The following OSBPL11 variants were observed in gnomAD, a reference collection of about 807,000 sequenced individuals.
OSBPL11 encodes the protein oxysterol-binding protein-related protein 11.
In OSBPL11, 33 loss-of-function variants were observed where a neutral mutation model predicts 84.4. The observed-to-expected ratio is 0.39, with a 90% confidence interval of 0.30 to 0.52. The LOEUF (loss-of-function observed/expected upper bound fraction) is 0.52, where lower values mean the gene tolerates loss of function less well. OSBPL11 is among the 20% of genes least tolerant of loss of function. OSBPL11 has a pLI of 0.72. For missense variants in OSBPL11, 736 were observed against 901.1 expected, an observed-to-expected ratio of 0.82 and a Z score of 2.35; for synonymous variants, 276 against 310.2, an observed-to-expected ratio of 0.89 and a Z score of 1.16.
intron 5 of OSBPL11, among the ~76,000 whole-genome samples, chr3:125,571,115 T>G (rs888402316): frequency 3.3e-5 from 5 of 152,172 alleles, no homozygotes; most frequent in Admixed American, 2.6e-4. Context: ...ATTGAGGAAC[T>G]TGTTGGGAAC....
intron 10 of OSBPL11, among the ~76,000 whole-genome samples, chr3:125,544,257 T>C (rs1935777877): frequency 6.6e-6 from 1 of 152,036 alleles, no homozygotes; most frequent in African/African-American, 2.4e-5. Flanking sequence ...GGTTTCACCA[T>C]GTTGACCAGG....
Position 125,563,982 on chromosome 3 carries a change from A to C in OSBPL11, c.869-139T>G, listed in dbSNP as rs188342764. The C allele has an allele frequency of 6.0e-5, 50 of 831,384 alleles. No homozygotes were observed. In the African/African-American group the frequency reaches 8.3e-4, roughly 14 times the overall value. The allele number at this position is 831,384 out of a possible 1,614,324, so 51.5% of individuals were successfully genotyped here. ...TGTTAAGAGACCCTGCAAGACAGCC[A>C]CTTATATCTCATTAGCATGAGCACC... On this transcript the variant is annotated intron_variant, in intron 6 of 12. Transcript: ENST00000296220.
chr3:125,548,228 G>A (rs1323003374), intron 9 of OSBPL11, among the ~76,000 whole-genome samples: 3 of 151,946 alleles, frequency 2.0e-5, no homozygotes, highest in Non-Finnish European at 4.4e-5. Flanking sequence ...TTAAGACAAT[G>A]GTATGCTAAA....
At chr3:125,541,289 C>CTTA (rs1265963222) in intron 10 of OSBPL11, among the ~76,000 whole-genome samples, 1 of 152,300 alleles carries the variant, frequency 6.6e-6, no homozygotes, top group Admixed American at 6.5e-5. Context: ...CCAGATAGCA[C>CTTA]TTAGCAGAAT....
chr3:125,565,851 C>T (rs1936145744), intron 6 of OSBPL11, among the ~76,000 whole-genome samples: 1 of 152,082 alleles, frequency 6.6e-6, no homozygotes, highest in South Asian at 2.1e-4. Context: ...TTTCCTCTAC[C>T]TCTCACTCCT....
At chr3:125,563,236 A>C (rs1196412625) in intron 7 of OSBPL11, among the ~76,000 whole-genome samples, 1 of 152,086 alleles carries the variant, frequency 6.6e-6, no homozygotes, top group African/African-American at 2.4e-5. Context: ...AAAAATATAA[A>C]CCCTAAGATT....
At chr3:125,548,682 T>C (rs1370246376) in intron 9 of OSBPL11, among the ~76,000 whole-genome samples, 6 of 152,066 alleles carry the variant, frequency 3.9e-5, no homozygotes. Context: ...AGACCACATA[T>C]TGAAGTGGAT....
chr3:125,546,125 A>G (rs1935808891), intron 10 of OSBPL11, among the ~76,000 whole-genome samples: 1 of 149,770 alleles, frequency 6.7e-6, no homozygotes, highest in Non-Finnish European at 1.5e-5. Flanking sequence ...TGTCTCTTAA[A>G]AAAAAAAAAA....
intron 8 of OSBPL11, among the ~76,000 whole-genome samples, chr3:125,557,416 C>T (rs777777317): frequency 6.6e-6 from 1 of 151,966 alleles, no homozygotes; most frequent in Non-Finnish European, 1.5e-5. Flanking sequence ...GAATCTAGCT[C>T]TGTCGCCCAG....
intron 1 of OSBPL11, among the ~76,000 whole-genome samples, chr3:125,590,229 A>G (rs137892704): frequency 3.3e-4 from 51 of 152,334 alleles, no homozygotes; most frequent in South Asian, 3.1e-3. Flanking sequence ...TACAAGGCTA[A>G]TCTAATAAAT....
At chr3:125,574,385 G>A (rs1022779261) in intron 5 of OSBPL11, among the ~76,000 whole-genome samples, 5 of 151,726 alleles carry the variant, frequency 3.3e-5, no homozygotes, top group Non-Finnish European at 5.9e-5. Flanking sequence ...TATAAAAAGT[G>A]GGAAGTACAT....
At chr3:125,542,602 A>G (rs1935747747) in intron 10 of OSBPL11, among the ~76,000 whole-genome samples, 1 of 148,588 alleles carries the variant, frequency 6.7e-6, no homozygotes, top group Non-Finnish European at 1.5e-5. Context: ...CCCGCCTCCC[A>G]GGTTCACGCC....
chr3:125,552,257 C>A lies in OSBPL11; in HGVS notation c.1578G>T (p.Lys526Asn). Residue 526 changes from lysine to asparagine, a missense_variant, in exon 9 of 13, where the codon AAG (lysine) becomes AAT (asparagine). By Grantham distance (94) the Lys-to-Asn change is moderately conservative (BLOSUM62 0). Coordinates refer to ENST00000296220, the MANE Select transcript of OSBPL11 (RefSeq NM_022776.5). ...TCCAGACATGCGCATTTACACACAT[C>A]TTCCTCTCTGTACATTCTGCATAAA... Reference protein sequence around the residue: ...SGFYAECTERKMCVNAHVWTK... With the variant: ...SGFYAECTERNMCVNAHVWTK... 6.2e-7 allele frequency: 1 copy of A among 1,614,030 alleles called. No homozygotes were observed. Among genetic ancestry groups the A allele is most frequent in the Non-Finnish European group, 8.5e-7 (1 of 1,179,988 alleles).
chr3:125,583,337 T>C (rs959593618), intron 1 of OSBPL11, among the ~76,000 whole-genome samples: 2 of 151,908 alleles, frequency 1.3e-5, no homozygotes, highest in African/African-American at 4.8e-5. Context: ...TCCCAGCACT[T>C]TGGGAGGCCA....
intron 5 of OSBPL11, among the ~76,000 whole-genome samples, chr3:125,573,328 C>T (rs534524213): frequency 1.3e-5 from 2 of 151,994 alleles, no homozygotes; most frequent in Admixed American, 1.3e-4. Context: ...TGTCTGAAAA[C>T]CAAATTAGAA....
At position 125,548,336 on chromosome 3, in the gene OSBPL11, G is replaced by GA. The variant is rs973680700; in HGVS notation, c.1655-745dup. 1.6e-4 allele frequency among the ~76,000 whole-genome samples: 24 copies of GA among 152,024 alleles called. No individual in the cohort carries two copies. In the Middle Eastern group the frequency reaches 0.01, roughly 65 times the overall value. Reference sequence around the variant, plus strand: ...ACATTCATCTAAGACAGTATAATGGGAAAAAATTGTTCTTCATTCTATTCT... The same window carrying GA: ...ACATTCATCTAAGACAGTATAATGGGAAAAAAATTGTTCTTCATTCTATTCT... On this transcript the variant is annotated intron_variant, in intron 9 of 12. Coordinates refer to ENST00000296220, the MANE Select transcript of OSBPL11 (RefSeq NM_022776.5).
intron 7 of OSBPL11, 103 bp from the exon 8 acceptor site, chr3:125,560,622 TA>T (rs1936062292): frequency 1.8e-6 from 2 of 1,114,366 alleles, no homozygotes; most frequent in Non-Finnish European, 2.4e-6. Flanking sequence ...GTATTTGACC[TA>T]AGTGAATCTG....
At chr3:125,551,911 T>A (rs76543554) in intron 9 of OSBPL11, among the ~76,000 whole-genome samples, 2,057 of 152,206 alleles carry the variant, frequency 0.014, 51 homozygotes, top group African/African-American at 0.047. Flanking sequence ...ACTCTAGAAA[T>A]TGGAGCGAAA....
In OSBPL11 at chr3:125,594,789, A is replaced by AC. The variant is rs1559851172; in HGVS notation, c.11dup (p.Glu5Ter). 3.7e-6 allele frequency: 6 copies of AC among 1,610,204 alleles called. No homozygotes were observed. Among genetic ancestry groups the AC allele is most frequent in the Admixed American group, 1.7e-5 (1 of 59,654 alleles). ...AGACTTTCATTGTGGACACTGGTTC[A>AC]CCCCCCTGCATCTTAACGCCAAAGT... On this transcript the variant is annotated frameshift_variant, in exon 1 of 13. Coordinates refer to ENST00000296220, the MANE Select transcript of OSBPL11 (RefSeq NM_022776.5). LOFTEE classifies it high-confidence loss of function.
Sources: allele counts gnomAD v4.1 joint callset (sites outside exome capture counted in the v4.1 genomes callset), GRCh38; gene constraint gnomAD v4.1.1; transcripts MANE v1.5; gene names NCBI Gene and HGNC (gene_info 2026-07-23, HGNC 2026-07-21).